CASP5: variants seen among roughly 807,000 people sequenced by gnomAD.
CASP5 encodes the protein caspase-5.
In CASP5, 42 loss-of-function variants were observed where a neutral mutation model predicts 45.2. That is an observed-to-expected ratio of 0.93 (90% CI 0.73 to 1.20). CASP5 has a LOEUF of 1.20. CASP5 is among the 50% of genes most tolerant of loss of function. CASP5 has a pLI of 0.00. For missense variants in CASP5, 512 were observed against 532.2 expected (o/e 0.96, Z 0.37); for synonymous variants, 209 against 186.2 (o/e 1.12, Z -1.00).
At chr11:105,009,669 A>G (rs1345101914) in intron 1 of CASP5, among the ~76,000 whole-genome samples, 1 of 143,610 alleles carries the variant, frequency 7.0e-6, no homozygotes, top group African/African-American at 2.5e-5. Flanking sequence ...GAGTTAATGT[A>G]TTACTCCTTG....
chr11:105,009,718 CACATATATAT>C (rs1248045209), intron 1 of CASP5, among the ~76,000 whole-genome samples: 23,585 of 83,300 alleles, frequency 0.28, 2,948 homozygotes, highest in Non-Finnish European at 0.3. Context: ...TATATATACA[CACATATATAT>C]ATATATATAT....
intron 1 of CASP5, among the ~76,000 whole-genome samples, chr11:105,010,940 G>A (rs1862319245): frequency 6.6e-6 from 1 of 151,748 alleles, no homozygotes; most frequent in South Asian, 2.1e-4. Context: ...AGAAGTACAA[G>A]TGATCAGAAT....
At chr11:105,016,655 A>ACGC (rs1862619071) in intron 1 of CASP5, among the ~76,000 whole-genome samples, 1 of 152,196 alleles carries the variant, frequency 6.6e-6, no homozygotes, top group Non-Finnish European at 1.5e-5. Context: ...GGAGGGTCCT[A>ACGC]CGCCCACGGA....
Position 105,010,918 on chromosome 11 carries a change from C to T in CASP5, c.8-1938G>A, listed in dbSNP as rs1286643124. Among the ~76,000 whole-genome samples, 10 of 151,614 alleles carry T rather than the reference C, an allele frequency of 6.6e-5. No homozygotes were observed. The East Asian group carries it at 7.7e-4, about 12-fold the overall frequency. On this transcript the variant is annotated intron_variant, in intron 1 of 9. Coordinates refer to ENST00000260315, the MANE Select transcript of CASP5 (RefSeq NM_004347.5). ...AAGAAAATGAAGTATACAGTAACTC[C>T]GGAGCAGGAATAGAAGTACAAGTGA...
At chr11:105,004,797 A>G (rs1050755154) in intron 3 of CASP5, among the ~76,000 whole-genome samples, 1 of 152,140 alleles carries the variant, frequency 6.6e-6, no homozygotes, top group Admixed American at 6.5e-5. Flanking sequence ...TTCATAGATT[A>G]AACAGTGACA....
intron 6 of CASP5, 81 bp downstream of exon 6, chr11:105,000,180 G>T (rs1163036335): frequency 1.4e-6 from 2 of 1,443,798 alleles, no homozygotes; most frequent in Non-Finnish European, 1.9e-6. Flanking sequence ...GTCTAACATT[G>T]TTTCCCCTAA....
intron 3 of CASP5, among the ~76,000 whole-genome samples, chr11:105,005,873 A>G (rs1343566025): frequency 6.6e-6 from 1 of 152,206 alleles, no homozygotes; most frequent in Non-Finnish European, 1.5e-5. Context: ...AAATACTTGC[A>G]AAAGACCAGT....
intron 8 of CASP5, among the ~76,000 whole-genome samples, chr11:104,997,159 G>T (rs1302416904): frequency 1.3e-5 from 2 of 152,020 alleles, no homozygotes; most frequent in African/African-American, 4.8e-5. Context: ...CCCAAAATAG[G>T]AAGCTTATAG....
intron 1 of CASP5, among the ~76,000 whole-genome samples, chr11:105,016,666 G>C (rs1414175280): frequency 6.6e-6 from 1 of 152,192 alleles, no homozygotes; most frequent in East Asian, 1.9e-4. Flanking sequence ...CGCCCACGGA[G>C]TCTCGCTGAT....
At chr11:105,022,308 A>G (rs1863010773) in intron 1 of CASP5, among the ~76,000 whole-genome samples, 1 of 151,914 alleles carries the variant, frequency 6.6e-6, no homozygotes, top group African/African-American at 2.4e-5. Flanking sequence ...CTTAAAGTAT[A>G]ATAATAATAA....
rs74736595 is a variant in CASP5 at position 104,996,660 on chromosome 11, T to A, written c.1206+723A>T. The stretch of plus-strand genomic sequence containing the variant: ...ATATTAATTGAATGTCTGCTATATG[T>A]CAGGCATATTGAGGTGCTGAGCAAA... On this transcript the variant is annotated intron_variant, in intron 8 of 9. Coordinates refer to ENST00000260315, the MANE Select transcript of CASP5 (RefSeq NM_004347.5). 2.8e-3 allele frequency among the ~76,000 whole-genome samples: 419 copies of A among 152,356 alleles called. 3 individuals are homozygous for A. The highest frequency in any genetic ancestry group is 9.3e-3 in the South Asian group (45 of 4,834).
rs1862230177 is a variant in CASP5, at chr11:105,009,840, CACATATATAT to C, written c.8-870_8-861del. 4.6e-5 allele frequency among the ~76,000 whole-genome samples: 6 copies of C among 130,040 alleles called. No homozygotes were observed. In the South Asian group the frequency reaches 7.0e-4, roughly 15 times the overall value. 85.3% of individuals were successfully genotyped at this position (130,040 alleles called of 152,430 possible). A position where few individuals can be genotyped will look rare whatever the true frequency, so the allele number is the denominator to read the frequency against. On this transcript the variant is annotated intron_variant, in intron 1 of 9. Transcript: ENST00000260315. ...ATATATATATACACATATATATATACACATATATATACACATATATATACATATATATACA... is the reference window on the plus strand; with the variant it reads ...ATATATATATACACATATATATATACACACATATATATACATATATATACA...
intron 1 of CASP5, among the ~76,000 whole-genome samples, chr11:105,015,049 T>A (rs1253755573): frequency 6.6e-6 from 1 of 152,180 alleles, no homozygotes; most frequent in Admixed American, 6.5e-5. Context: ...CTGGGCTAGC[T>A]GGGCTTTAGA....
intron 1 of CASP5, among the ~76,000 whole-genome samples, chr11:105,021,554 A>G (rs1470380949): frequency 6.6e-6 from 1 of 150,730 alleles, no homozygotes; most frequent in Non-Finnish European, 1.5e-5. Flanking sequence ...AAAACACATG[A>G]AAAAGTGCTC....
chr11:105,001,781 G>A (rs1262241316), intron 5 of CASP5, among the ~76,000 whole-genome samples: 1 of 152,188 alleles, frequency 6.6e-6, no homozygotes, highest in African/African-American at 2.4e-5. Flanking sequence ...TAACAATTGC[G>A]AAAATACATG....
chr11:104,996,743 A>G (rs3181184), intron 8 of CASP5, among the ~76,000 whole-genome samples: 15,537 of 152,222 alleles, frequency 0.1, 864 homozygotes, highest in South Asian at 0.12. Flanking sequence ...AAACAGACAC[A>G]TAAATAAACT....
chr11:105,000,287 A>C lies in CASP5; in HGVS notation c.926T>G (p.Val309Gly), dbSNP rs1443055289. 6.2e-7 allele frequency: 1 copy of C among 1,614,194 alleles called. No homozygotes were observed. The highest frequency in any genetic ancestry group is 1.3e-5 in the African/African-American group (1 of 75,054). ...NCLSLKDKPK[V>G]IIVQACRGEK... is the part of the protein sequence containing the mutation. ...ACCTCTGCAGGCCTGGACAATGATG[A>C]CCTTGGGTTTGTCCTTTAGACTGAG... The change falls in exon 6 of 10, where the codon GTC becomes GGC. Residue 309 changes from valine to glycine, a missense_variant. By Grantham distance (109) the Val-to-Gly change is moderately radical. Transcript: ENST00000260315.
intron 9 of CASP5, among the ~76,000 whole-genome samples, chr11:104,994,854 C>A (rs368176609): frequency 8.9e-4 from 136 of 152,330 alleles, no homozygotes; most frequent in African/African-American, 3.2e-3. Context: ...TTCATTATTT[C>A]AAGGCAGGTT....
At chr11:105,018,818 A>C (rs1862779073) in intron 1 of CASP5, among the ~76,000 whole-genome samples, 1 of 141,762 alleles carries the variant, frequency 7.1e-6, no homozygotes, top group Non-Finnish European at 1.6e-5. Flanking sequence ...ATAGACATCT[A>C]CAGAACTCTC....
Sources: gnomAD v4.1 joint callset for allele counts (sites outside exome capture counted in the v4.1 genomes callset) on GRCh38, gnomAD v4.1.1 for gene constraint, MANE v1.5 for transcripts, NCBI Gene and HGNC (gene_info 2026-07-23, HGNC 2026-07-21) for gene names.